RAB30: variants seen among roughly 807,000 people sequenced by gnomAD.
The protein encoded by RAB30 is ras-related protein Rab-30.
A neutral mutation model predicts 25.1 loss-of-function variants in RAB30; 9 were observed. The ratio of observed to expected loss-of-function variants is 0.36; its 90% CI spans 0.22 to 0.63. The LOEUF is 0.63. Among genes scored for constraint, RAB30 ranks in the 20% least tolerant of loss-of-function variants. The pLI is 0.69. For missense variants in RAB30, 140 were observed against 243.5 expected (o/e 0.58, Z 2.83); for synonymous variants, 77 against 86.4 (o/e 0.89, Z 0.60).
At chr11:83,007,523 G>A (rs1490228743) in intron 1 of RAB30, among the ~76,000 whole-genome samples, 1 of 152,136 alleles carries the variant, frequency 6.6e-6, no homozygotes, top group Non-Finnish European at 1.5e-5. Flanking sequence ...ATTCCACAAA[G>A]CAGCATTTCA....
chr11:83,008,341 A>G (rs759400908), intron 1 of RAB30, among the ~76,000 whole-genome samples: 1 of 152,212 alleles, frequency 6.6e-6, no homozygotes, highest in Non-Finnish European at 1.5e-5. Context: ...CACTGGAAGC[A>G]GGAGAAAAAG....
chr11:83,005,818 G>A (rs1857172516), intron 1 of RAB30, among the ~76,000 whole-genome samples: 1 of 151,800 alleles, frequency 6.6e-6, no homozygotes, highest in Non-Finnish European at 1.5e-5. Flanking sequence ...ATATTATTAA[G>A]GTCTAATTGA....
chr11:83,012,419 G>C (rs1434591759), intron 1 of RAB30, among the ~76,000 whole-genome samples: 2 of 152,322 alleles, frequency 1.3e-5, no homozygotes, highest in African/African-American at 4.8e-5. Flanking sequence ...CCCTGGTTAA[G>C]AGGGCAAACT....
At chr11:83,052,976 T>C (rs925615975) in intron 1 of RAB30, among the ~76,000 whole-genome samples, 6 of 152,166 alleles carry the variant, frequency 3.9e-5, no homozygotes, top group African/African-American at 1.4e-4. Context: ...AAACTTTCCC[T>C]GTGACTTGGT....
intron 1 of RAB30, among the ~76,000 whole-genome samples, chr11:83,044,547 G>A (rs1159571899): frequency 6.6e-6 from 1 of 152,056 alleles, no homozygotes; most frequent in Non-Finnish European, 1.5e-5. Flanking sequence ...CTACAAGTCT[G>A]TTCAAAGATC....
chr11:83,049,616 G>A (rs908393188), intron 1 of RAB30, among the ~76,000 whole-genome samples: 4 of 151,734 alleles, frequency 2.6e-5, no homozygotes, highest in Non-Finnish European at 5.9e-5. Flanking sequence ...AAGTAGCTGG[G>A]ACTACAAGGT....
In RAB30 at chr11:82,975,100, A is replaced by G. The variant is rs1210878491; in HGVS notation, c.*7065T>C. The G allele has an allele frequency of 1.3e-5, 2 of 152,034 alleles. No homozygotes were observed. The highest frequency in any genetic ancestry group is 4.8e-5 in the African/African-American group (2 of 41,410). 9.4% of individuals were successfully genotyped at this position (152,034 alleles called of 1,614,324 possible). A position where few individuals can be genotyped will look rare whatever the true frequency, so the allele number is the denominator to read the frequency against. ...GTAGAAATTAGAAGCCAGCATTTGA[A>G]ATTTTCTATCACAGGGACATGAAAG... On this transcript the variant is annotated 3_prime_UTR_variant, in exon 5 of 5. Coordinates refer to ENST00000527633, the MANE Select transcript of RAB30 (RefSeq NM_001286060.2).
intron 1 of RAB30, chr11:83,059,938 C>T (rs898017424): frequency 6.6e-6 from 1 of 152,258 alleles, no homozygotes; most frequent in Non-Finnish European, 1.5e-5. Context: ...GGGCCAGACA[C>T]AGTGGCTCAT....
intron 1 of RAB30, among the ~76,000 whole-genome samples, chr11:83,057,390 G>A (rs544485382): frequency 6.6e-6 from 1 of 152,134 alleles, no homozygotes; most frequent in Middle Eastern, 3.4e-3. Context: ...TCCTTTTCAG[G>A]TTGCTACCTA....
chr11:82,990,252 G>C (rs914666371), intron 3 of RAB30, among the ~76,000 whole-genome samples: 4 of 152,182 alleles, frequency 2.6e-5, no homozygotes, highest in African/African-American at 7.2e-5. Flanking sequence ...CTCTACTACT[G>C]AGTTCTTTGA....
chr11:83,042,883 G>A (rs764536260), intron 1 of RAB30, among the ~76,000 whole-genome samples: 8 of 152,190 alleles, frequency 5.3e-5, no homozygotes, highest in Non-Finnish European at 1.0e-4. Context: ...TATAGATTTA[G>A]AGACTAAAGA....
At chr11:83,021,238 T>C (rs1857571200) in intron 1 of RAB30, among the ~76,000 whole-genome samples, 1 of 152,188 alleles carries the variant, frequency 6.6e-6, no homozygotes, top group African/African-American at 2.4e-5. Context: ...CACTGAATGG[T>C]GAGGCTAAAA....
chr11:83,011,093 A>C (rs1255965175), intron 1 of RAB30, among the ~76,000 whole-genome samples: 1 of 152,216 alleles, frequency 6.6e-6, no homozygotes. Context: ...GAGACCTTTT[A>C]TTTTTGAAGT....
intron 1 of RAB30, among the ~76,000 whole-genome samples, chr11:83,027,108 A>G (rs769625558): frequency 3.2e-4 from 48 of 152,324 alleles, no homozygotes; most frequent in Middle Eastern, 3.4e-3. Context: ...TCTGGGGAGC[A>G]CAAAACAGAA....
At chr11:83,045,041 A>G (rs1197059270) in intron 1 of RAB30, among the ~76,000 whole-genome samples, 3 of 152,166 alleles carry the variant, frequency 2.0e-5, no homozygotes, top group Non-Finnish European at 4.4e-5. Context: ...CTGCAGGGCA[A>G]TAGGCTTTCC....
intron 1 of RAB30, among the ~76,000 whole-genome samples, chr11:83,061,692 GA>G (rs1858582547): frequency 7.0e-6 from 1 of 143,004 alleles, no homozygotes; most frequent in Admixed American, 7.1e-5. Flanking sequence ...TTTTAGGTGG[GA>G]TTTTTTTCTT....
At chr11:83,003,349 A>T (rs1488408794) in intron 1 of RAB30, among the ~76,000 whole-genome samples, 1 of 151,936 alleles carries the variant, frequency 6.6e-6, no homozygotes, top group African/African-American at 2.4e-5. Context: ...ATCATCTATC[A>T]TCTCTTTCCC....
chr11:83,020,710 T>C (rs974067161), intron 1 of RAB30, among the ~76,000 whole-genome samples: 2 of 152,110 alleles, frequency 1.3e-5, no homozygotes, highest in African/African-American at 2.4e-5. Context: ...TCTTCCCCTC[T>C]AAGACCCATA....
chr11:83,036,917 A>T (rs1857999210), intron 1 of RAB30, among the ~76,000 whole-genome samples: 1 of 152,228 alleles, frequency 6.6e-6, no homozygotes, highest in Non-Finnish European at 1.5e-5. Context: ...GGTTGAGATG[A>T]CACAGGGCCT....
Sources: gnomAD v4.1 joint callset for allele counts (sites outside exome capture counted in the v4.1 genomes callset) on GRCh38, gnomAD v4.1.1 for gene constraint, MANE v1.5 for transcripts, NCBI Gene and HGNC (gene_info 2026-07-23, HGNC 2026-07-21) for gene names.